LHFPL6: variants seen among roughly 807,000 people sequenced by gnomAD.
The protein encoded by LHFPL6 is LHFPL tetraspan subfamily member 6 protein.
Under a neutral mutation model 20.6 loss-of-function variants are expected in LHFPL6, and 9 were observed. The ratio of observed to expected loss-of-function variants is 0.44; its 90% CI spans 0.26 to 0.76. The LOEUF is 0.76. Among genes scored for constraint, LHFPL6 ranks in the 30% least tolerant of loss-of-function variants. The pLI, the probability that LHFPL6 is intolerant of heterozygous loss-of-function variation, is 0.20. For synonymous variants in LHFPL6, 105 were observed against 98.7 expected (o/e 1.06, Z -0.38); for missense variants, 218 against 253.5 (o/e 0.86, Z 0.95).
intron 2 of LHFPL6, among the ~76,000 whole-genome samples, chr13:39,493,506 A>G (rs1301046856): frequency 6.6e-6 from 1 of 152,194 alleles, no homozygotes. Context: ...TGAGATAGGA[A>G]ATACTTATAA....
intron 2 of LHFPL6, among the ~76,000 whole-genome samples, chr13:39,537,363 T>A (rs1453003877): frequency 3.3e-5 from 5 of 152,168 alleles, no homozygotes; most frequent in Non-Finnish European, 7.3e-5. Flanking sequence ...AGAGGAAACT[T>A]AGACTAACAC....
At chr13:39,429,358 C>T (rs1235113738) in intron 2 of LHFPL6, among the ~76,000 whole-genome samples, 2 of 152,056 alleles carry the variant, frequency 1.3e-5, no homozygotes, top group African/African-American at 4.8e-5. Flanking sequence ...GATGAATTGA[C>T]CCATCTATCT....
At chr13:39,589,535 G>T (rs2138547158) in intron 2 of LHFPL6, among the ~76,000 whole-genome samples, 1 of 152,232 alleles carries the variant, frequency 6.6e-6, no homozygotes, top group East Asian at 1.9e-4. Flanking sequence ...AAATCTCTGA[G>T]AAATTCCTGG....
rs373899807 is a variant in LHFPL6, at chr13:39,456,006, A to G, written c.386-77480T>C. 2.6e-5 allele frequency among the ~76,000 whole-genome samples: 4 copies of G among 152,358 alleles called. No homozygotes were observed. The East Asian group carries it at 5.8e-4, about 22-fold the overall frequency. On this transcript the variant is annotated intron_variant, in intron 2 of 3. Coordinates refer to ENST00000379589, the MANE Select transcript of LHFPL6 (RefSeq NM_005780.3). ...GACTGCCAGAGGCTGGAAGTAAGTGATAAGAGCTGGAATGTGTTGCTCAGA... is the reference window on the plus strand; with the variant it reads ...GACTGCCAGAGGCTGGAAGTAAGTGGTAAGAGCTGGAATGTGTTGCTCAGA...
At chr13:39,448,527 C>T (rs1203393579) in intron 2 of LHFPL6, among the ~76,000 whole-genome samples, 1 of 152,170 alleles carries the variant, frequency 6.6e-6, no homozygotes, top group Non-Finnish European at 1.5e-5. Context: ...ATTTTTGTAT[C>T]TCTACTTTCA....
chr13:39,544,144 A>T (rs1318168109), intron 2 of LHFPL6, among the ~76,000 whole-genome samples: 5 of 152,212 alleles, frequency 3.3e-5, no homozygotes, highest in Admixed American at 1.3e-4. Flanking sequence ...AACTTAAAGA[A>T]TGGAATGAAG....
intron 2 of LHFPL6, among the ~76,000 whole-genome samples, chr13:39,412,886 C>T (rs1253294694): frequency 6.7e-6 from 1 of 149,662 alleles, no homozygotes; most frequent in Non-Finnish European, 1.5e-5. Flanking sequence ...TGCACCATTG[C>T]ACTCCAGCCT....
At chr13:39,405,104 A>C (rs947159584) in intron 2 of LHFPL6, among the ~76,000 whole-genome samples, 1 of 152,192 alleles carries the variant, frequency 6.6e-6, no homozygotes, top group Admixed American at 6.5e-5. Context: ...ACAAAGACCA[A>C]TAAAATTGAG....
intron 2 of LHFPL6, among the ~76,000 whole-genome samples, chr13:39,468,883 G>A (rs201465912): frequency 5.4e-5 from 8 of 148,252 alleles, no homozygotes; most frequent in Non-Finnish European, 7.5e-5. Context: ...CCAAATGTAA[G>A]AAAAAAAAAA....
intron 2 of LHFPL6, among the ~76,000 whole-genome samples, chr13:39,379,573 A>C (rs1870384949): frequency 6.6e-6 from 1 of 152,332 alleles, no homozygotes; most frequent in South Asian, 2.1e-4. Flanking sequence ...TTCTGCACCA[A>C]GTCCCTTCCG....
At chr13:39,601,734 A>T (rs1872955446) in intron 1 of LHFPL6, among the ~76,000 whole-genome samples, 1 of 152,248 alleles carries the variant, frequency 6.6e-6, no homozygotes, top group Non-Finnish European at 1.5e-5. Context: ...ATAAACAATT[A>T]AAATAAAATG....
chr13:39,579,575 T>C (rs962312853), intron 2 of LHFPL6, among the ~76,000 whole-genome samples: 7 of 152,122 alleles, frequency 4.6e-5, no homozygotes, highest in East Asian at 3.8e-4. Context: ...ATTTCAAAAA[T>C]TTTTTTATCT....
chr13:39,438,717 G>A (rs757460043), intron 2 of LHFPL6, among the ~76,000 whole-genome samples: 5 of 152,242 alleles, frequency 3.3e-5, no homozygotes, highest in Non-Finnish European at 5.9e-5. Context: ...TACAGCTGTG[G>A]TTCAAAGGGG....
Position 39,438,976 on chromosome 13 carries a change from G to C in LHFPL6, c.386-60450C>G, listed in dbSNP as rs572591725. Among the ~76,000 whole-genome samples the C allele has an allele frequency of 1.4e-4, 21 of 152,304 alleles. No homozygotes were observed. The East Asian group carries it at 3.9e-3, about 28-fold the overall frequency. On this transcript the variant is annotated intron_variant, in intron 2 of 3. Transcript: ENST00000379589. Reference sequence around the variant, plus strand: ...AATGTGGGGTCGGAGCCCCCACACAGAGTCCCCACTGGGGCACTGCCTAGT... The same window carrying C: ...AATGTGGGGTCGGAGCCCCCACACACAGTCCCCACTGGGGCACTGCCTAGT...
At position 39,343,067 on chromosome 13, in the gene LHFPL6, G is replaced by A. The variant is rs1457716301; in HGVS notation, c.*869C>T. 5 of 199,254 alleles carry A rather than the reference G, an allele frequency of 2.5e-5. No homozygotes were observed. Among genetic ancestry groups the A allele is most frequent in the African/African-American group, 4.6e-5 (2 of 43,514 alleles). 12.3% of individuals were successfully genotyped at this position (199,254 alleles called of 1,614,324 possible). A position where few individuals can be genotyped will look rare whatever the true frequency, so the allele number is the denominator to read the frequency against. On this transcript the variant is annotated 3_prime_UTR_variant, in exon 4 of 4. Transcript: ENST00000379589. ...TGTCTCTCATTACTCTCATATCTTC[G>A]GCTGAATTCTCTCCTATAGTGGACA...
chr13:39,446,961 G>A (rs778319829), intron 2 of LHFPL6, among the ~76,000 whole-genome samples: 3 of 152,094 alleles, frequency 2.0e-5, no homozygotes, highest in African/African-American at 4.8e-5. Context: ...TTGAGCCCTC[G>A]ACCTTAAGCT....
intron 2 of LHFPL6, among the ~76,000 whole-genome samples, chr13:39,407,413 A>T (rs1871137732): frequency 6.6e-6 from 1 of 152,168 alleles, no homozygotes; most frequent in African/African-American, 2.4e-5. Flanking sequence ...TGCAGCAAGT[A>T]AGTTTTCCAT....
intron 2 of LHFPL6, among the ~76,000 whole-genome samples, chr13:39,575,012 A>C (rs1225797329): frequency 1.3e-5 from 2 of 152,114 alleles, no homozygotes; most frequent in African/African-American, 4.8e-5. Context: ...CAGAGGTTGC[A>C]GTGAGCCGAG....
chr13:39,572,251 T>C (rs912050), intron 2 of LHFPL6, among the ~76,000 whole-genome samples: 132,966 of 151,672 alleles, frequency 0.88, 58,500 homozygotes, highest in African/African-American at 0.94. Flanking sequence ...AGTTAGTCAT[T>C]TATGGCTCAG....
Sources: gnomAD v4.1 joint callset for allele counts (sites outside exome capture counted in the v4.1 genomes callset) on GRCh38, gnomAD v4.1.1 for gene constraint, MANE v1.5 for transcripts, NCBI Gene and HGNC (gene_info 2026-07-23, HGNC 2026-07-21) for gene names.